Variants in ADAMTS16 observed in about 807,000 individuals in gnomAD.
The protein encoded by ADAMTS16 is A disintegrin and metalloproteinase with thrombospondin motifs 16.
A neutral mutation model predicts 145.8 loss-of-function variants in ADAMTS16; 94 were observed. The ratio of observed to expected loss-of-function variants is 0.64; its 90% CI spans 0.55 to 0.77. ADAMTS16 has a LOEUF of 0.77. Ranked by LOEUF, ADAMTS16 falls within the 30% of genes least tolerant of loss-of-function variation. ADAMTS16 has a pLI of 0.00. For synonymous variants in ADAMTS16, 659 were observed against 604.3 expected, an observed-to-expected ratio of 1.09 and a Z score of -1.33; for missense variants, 1,585 against 1,591.5, an observed-to-expected ratio of 1.00 and a Z score of 0.07.
intron 11 of ADAMTS16, among the ~76,000 whole-genome samples, chr5:5,230,131 C>T (rs570671805): frequency 1.3e-5 from 2 of 152,208 alleles, no homozygotes; most frequent in South Asian, 4.2e-4. Flanking sequence ...GGGACGTGTT[C>T]AATGGCACCA....
At chr5:5,242,796 C>G (rs1440149331) in intron 17 of ADAMTS16, among the ~76,000 whole-genome samples, 3 of 152,202 alleles carry the variant, frequency 2.0e-5, no homozygotes, top group Admixed American at 6.5e-5. Context: ...AAAGCTACTT[C>G]CACTTAAAGG....
intron 3 of ADAMTS16, among the ~76,000 whole-genome samples, chr5:5,162,769 G>A (rs1579281014): frequency 6.6e-6 from 1 of 151,422 alleles, no homozygotes; most frequent in Non-Finnish European, 1.5e-5. Flanking sequence ...AGAGAGGAGA[G>A]GAGAGGAGAG....
chr5:5,305,406 ACAC>A (rs1487994844), intron 20 of ADAMTS16, among the ~76,000 whole-genome samples: 1 of 89,508 alleles, frequency 1.1e-5, no homozygotes, highest in African/African-American at 4.5e-5. Flanking sequence ...ACACACACAC[ACAC>A]ATCCCACACC....
At chr5:5,212,214 G>GTTTT (rs563286650) in intron 10 of ADAMTS16, among the ~76,000 whole-genome samples, 1 of 100,622 alleles carries the variant, frequency 9.9e-6, no homozygotes, top group Non-Finnish European at 2.2e-5. Context: ...GTTTTGTTTT[G>GTTTT]TTTTTTTTTT....
chr5:5,221,566 T>C (rs1042945154), intron 10 of ADAMTS16, among the ~76,000 whole-genome samples: 10 of 152,208 alleles, frequency 6.6e-5, no homozygotes, highest in South Asian at 2.1e-4. Flanking sequence ...ATGAAAGCAA[T>C]TGATATCTGA....
chr5:5,318,904 C>T, intron 22 of ADAMTS16, 119 bp from the exon 23 acceptor site: 1 of 719,950 alleles, frequency 1.4e-6, no homozygotes, highest in Non-Finnish European at 2.4e-6. Context: ...GGGGCTGCCT[C>T]TCTGCAGCAG....
At chr5:5,309,526 C>T (rs1447057943) in intron 21 of ADAMTS16, among the ~76,000 whole-genome samples, 1 of 152,068 alleles carries the variant, frequency 6.6e-6, no homozygotes, top group Non-Finnish European at 1.5e-5. Context: ...ATTCAATGAG[C>T]GGGTCCCGGC....
At chr5:5,238,437 C>T (rs1737179021) in intron 14 of ADAMTS16, among the ~76,000 whole-genome samples, 1 of 152,128 alleles carries the variant, frequency 6.6e-6, no homozygotes, top group South Asian at 2.1e-4. Context: ...ATATGCATTT[C>T]ATACGTCACC....
chr5:5,220,364 T>C (rs1736564981), intron 10 of ADAMTS16, among the ~76,000 whole-genome samples: 1 of 150,508 alleles, frequency 6.6e-6, no homozygotes, highest in South Asian at 2.1e-4. Context: ...TTCACTGTGT[T>C]AGCCAGGATG....
At chr5:5,230,742 T>C (rs963221325) in intron 11 of ADAMTS16, among the ~76,000 whole-genome samples, 3 of 152,180 alleles carry the variant, frequency 2.0e-5, no homozygotes, top group Admixed American at 2.0e-4. Flanking sequence ...CAACAGCAAA[T>C]CAACAACGAT....
intron 21 of ADAMTS16, among the ~76,000 whole-genome samples, chr5:5,307,121 G>C (rs1057386151): frequency 6.6e-6 from 1 of 152,096 alleles, no homozygotes; most frequent in African/African-American, 2.4e-5. Context: ...TTTCCTGATC[G>C]GGTCGCTAGC....
At chr5:5,192,358 A>G (rs1378343252) in intron 8 of ADAMTS16, among the ~76,000 whole-genome samples, 5 of 152,112 alleles carry the variant, frequency 3.3e-5, no homozygotes, top group Non-Finnish European at 5.9e-5. Context: ...ATCTCATTCC[A>G]TGGTTAGCTG....
chr5:5,180,056 A>G (rs999646533), intron 3 of ADAMTS16, among the ~76,000 whole-genome samples: 6 of 152,184 alleles, frequency 3.9e-5, no homozygotes, highest in Non-Finnish European at 8.8e-5. Context: ...CTCATCCAGG[A>G]CAGCCCAGCC....
At chr5:5,295,418 C>T (rs112500940) in intron 18 of ADAMTS16, among the ~76,000 whole-genome samples, 3 of 125,878 alleles carry the variant, frequency 2.4e-5, no homozygotes, top group African/African-American at 6.0e-5. Context: ...AATTATATTA[C>T]ATAACTCCAA....
intron 8 of ADAMTS16, among the ~76,000 whole-genome samples, chr5:5,195,879 A>C (rs1219560724): frequency 6.6e-6 from 1 of 152,192 alleles, no homozygotes; most frequent in East Asian, 1.9e-4. Context: ...TCAAGTAATG[A>C]GAGCTGTCGG....
chr5:5,150,054 G>A (rs1237913731), intron 3 of ADAMTS16, among the ~76,000 whole-genome samples: 1 of 152,180 alleles, frequency 6.6e-6, no homozygotes, highest in Non-Finnish European at 1.5e-5. Context: ...ATACCTAGGA[G>A]TGTAATTTCT....
chr5:5,276,887 AT>A (rs1027410719), intron 18 of ADAMTS16, among the ~76,000 whole-genome samples: 95 of 151,738 alleles, frequency 6.3e-4, no homozygotes, highest in African/African-American at 2.0e-3. Context: ...GAAAAAAAAA[AT>A]CTTCATTAAC....
At chr5:5,299,093 C>T (rs7720820) in intron 18 of ADAMTS16, among the ~76,000 whole-genome samples, 112,478 of 152,138 alleles carry the variant, frequency 0.74, 41,984 homozygotes, top group South Asian at 0.82. Context: ...ATCAATGCCT[C>T]GTGTAGGTTT....
chr5:5,267,998 G>A (rs1738312011), intron 18 of ADAMTS16, among the ~76,000 whole-genome samples: 1 of 152,196 alleles, frequency 6.6e-6, no homozygotes, highest in Non-Finnish European at 1.5e-5. Flanking sequence ...ATTAGGCCAG[G>A]AAGAGACACT....
Sources: allele counts gnomAD v4.1 joint callset (sites outside exome capture counted in the v4.1 genomes callset), GRCh38; gene constraint gnomAD v4.1.1; transcripts MANE v1.5; gene names NCBI Gene and HGNC (gene_info 2026-07-23, HGNC 2026-07-21).